Variants in TFDP2 observed in about 807,000 individuals in gnomAD.
TFDP2 encodes the protein transcription factor Dp-2.
A neutral mutation model predicts 59.3 loss-of-function variants in TFDP2; 17 were observed. That is an observed-to-expected ratio of 0.29 (90% CI 0.20 to 0.43). The LOEUF (loss-of-function observed/expected upper bound fraction) is 0.43. Among genes scored for constraint, TFDP2 ranks in the 20% least tolerant of loss-of-function variants. The pLI, the probability that TFDP2 is intolerant of heterozygous loss-of-function variation, is 1.00. For synonymous variants in TFDP2, 180 were observed against 194.7 expected, an observed-to-expected ratio of 0.92 and a Z score of 0.63; for missense variants, 391 against 528.8, an observed-to-expected ratio of 0.74 and a Z score of 2.56.
intron 1 of TFDP2, among the ~76,000 whole-genome samples, chr3:142,117,547 G>A (rs2061889007): frequency 6.6e-6 from 1 of 152,108 alleles, no homozygotes; most frequent in African/African-American, 2.4e-5. Context: ...GGGCAAAGGG[G>A]ATTTGCAAAA....
chr3:142,043,808 G>T, intron 3 of TFDP2: 2 of 1,588,974 alleles, frequency 1.3e-6, no homozygotes, highest in Non-Finnish European at 1.7e-6. Context: ...ATGAGAATCC[G>T]CTTGTTTTTG....
At chr3:142,114,152 G>A (rs1340733324) in intron 1 of TFDP2, among the ~76,000 whole-genome samples, 5 of 149,680 alleles carry the variant, frequency 3.3e-5, no homozygotes, top group Non-Finnish European at 7.4e-5. Context: ...GCGACAAAGC[G>A]AGAATCCGTC....
intron 8 of TFDP2, among the ~76,000 whole-genome samples, chr3:141,973,123 A>ATATATATTTTTTTTTTTT: frequency 5.2e-5 from 3 of 58,018 alleles, no homozygotes; most frequent in Non-Finnish European, 1.1e-4. Context: ...ATATATATAT[A>ATATATATTTTTTTTTTTT]TTTTTTTTTT....
intron 3 of TFDP2, 71 bp from the exon 4 acceptor site, chr3:142,005,615 C>T: frequency 1.0e-6 from 1 of 986,664 alleles, no homozygotes; most frequent in Non-Finnish European, 1.5e-6. Flanking sequence ...TATACACACC[C>T]ATGGTCCTAA....
intron 3 of TFDP2, among the ~76,000 whole-genome samples, chr3:142,078,024 A>G (rs2060521719): frequency 6.6e-6 from 1 of 151,980 alleles, no homozygotes; most frequent in African/African-American, 2.4e-5. Context: ...CCTTAAGTAA[A>G]CCCTGGAAGT....
At chr3:142,116,308 T>G (rs554178551) in intron 1 of TFDP2, among the ~76,000 whole-genome samples, 11 of 152,240 alleles carry the variant, frequency 7.2e-5, no homozygotes, top group African/African-American at 2.6e-4. Context: ...CAAGTGATCC[T>G]CCCAACTCAG....
intron 3 of TFDP2, chr3:142,090,664 G>A (rs1415717838): frequency 6.6e-6 from 1 of 151,146 alleles, no homozygotes; most frequent in African/African-American, 2.4e-5. Flanking sequence ...GGGTTCAAGT[G>A]ATTCTCTTGC....
At chr3:141,981,304 TAGC>T (rs1157562105) in intron 6 of TFDP2, among the ~76,000 whole-genome samples, 1 of 152,196 alleles carries the variant, frequency 6.6e-6, no homozygotes, top group African/African-American at 2.4e-5. Context: ...CCTAAGTGTG[TAGC>T]AGGCTATACC....
chr3:142,065,509 GGT>G (rs113935011), intron 3 of TFDP2, among the ~76,000 whole-genome samples: 12 of 148,176 alleles, frequency 8.1e-5, no homozygotes, highest in East Asian at 2.0e-4. Context: ...TGTGTGTGTG[GGT>G]GTGTGTGTGT....
At chr3:142,042,822 C>G (rs1211746198) in intron 3 of TFDP2, among the ~76,000 whole-genome samples, 2 of 148,342 alleles carry the variant, frequency 1.3e-5, no homozygotes, top group Non-Finnish European at 3.0e-5. Context: ...TCACCACAAC[C>G]TCTGCCTCCC....
chr3:142,062,200 TAC>T (rs2059939257), intron 3 of TFDP2, among the ~76,000 whole-genome samples: 2 of 152,070 alleles, frequency 1.3e-5, no homozygotes, highest in Non-Finnish European at 2.9e-5. Flanking sequence ...ATTGTAAGAA[TAC>T]AGTACACAAT....
chr3:142,123,392 C>T (rs1389455116), intron 1 of TFDP2, among the ~76,000 whole-genome samples: 3 of 152,138 alleles, frequency 2.0e-5, no homozygotes, highest in Non-Finnish European at 2.9e-5. Context: ...CCTCAGCCTC[C>T]CAAAGTGCTG....
At chr3:141,995,198 G>A in intron 4 of TFDP2, 57 bp from the exon 5 acceptor site, 8 of 1,397,530 alleles carry the variant, frequency 5.7e-6, no homozygotes, top group Non-Finnish European at 7.6e-6. Context: ...AAGCCTACAG[G>A]CAGAAAATAA....
At chr3:142,111,591 G>A (rs923875713) in intron 1 of TFDP2, among the ~76,000 whole-genome samples, 10 of 151,972 alleles carry the variant, frequency 6.6e-5, no homozygotes, top group African/African-American at 2.4e-4. Context: ...CAAAGAGAGA[G>A]GGATATATTC....
At chr3:142,008,842 G>A (rs1560022423) in intron 3 of TFDP2, among the ~76,000 whole-genome samples, 2 of 152,252 alleles carry the variant, frequency 1.3e-5, no homozygotes, top group African/African-American at 4.8e-5. Context: ...GTATGTATGT[G>A]TGTATATTTT....
At chr3:142,140,842 G>C (rs1009171568) in intron 1 of TFDP2, among the ~76,000 whole-genome samples, 3 of 152,202 alleles carry the variant, frequency 2.0e-5, no homozygotes, top group Non-Finnish European at 4.4e-5. Context: ...ACGGGTGTCA[G>C]GGACCCCTTG....
intron 3 of TFDP2, among the ~76,000 whole-genome samples, chr3:142,072,882 T>A (rs776784699): frequency 2.6e-5 from 4 of 152,204 alleles, no homozygotes; most frequent in Non-Finnish European, 4.4e-5. Flanking sequence ...TTAACTTATG[T>A]AGAAACTCCC....
At chr3:142,034,920 A>G (rs1354433346) in intron 3 of TFDP2, among the ~76,000 whole-genome samples, 1 of 151,720 alleles carries the variant, frequency 6.6e-6, no homozygotes, top group Non-Finnish European at 1.5e-5. Flanking sequence ...GTTAACCAAG[A>G]TGGTCCCGAT....
At chr3:141,953,923 C>T (rs914266826) in intron 11 of TFDP2, among the ~76,000 whole-genome samples, 1 of 152,018 alleles carries the variant, frequency 6.6e-6, no homozygotes, top group Non-Finnish European at 1.5e-5. Context: ...ATAATCCCAG[C>T]ATTTTGGGAG....
Sources: allele counts gnomAD v4.1 joint callset (sites outside exome capture counted in the v4.1 genomes callset), GRCh38; gene constraint gnomAD v4.1.1; transcripts MANE v1.5; gene names NCBI Gene and HGNC (gene_info 2026-07-23, HGNC 2026-07-21).